The following IQSEC2 variants were observed in gnomAD, a reference collection of about 807,000 sequenced individuals.
The protein encoded by IQSEC2 is IQ motif and SEC7 domain-containing protein 2.
IQSEC2 carries 6 observed loss-of-function variants against 74.6 expected under a neutral mutation model. The observed-to-expected ratio is 0.08, with a 90% CI of 0.04 to 0.16. IQSEC2 has a LOEUF of 0.16. Ranked by LOEUF, IQSEC2 falls within the 10% of genes least tolerant of loss-of-function variation. The pLI is 1.00. For synonymous variants in IQSEC2, 494 were observed against 544.5 expected, an observed-to-expected ratio of 0.91 and a Z score of 1.29; for missense variants, 734 against 1,306.2, an observed-to-expected ratio of 0.56 and a Z score of 6.75.
rs2074242567 is a variant in IQSEC2, at chrX:53,242,675, AGCAAAT to A, written c.2889+651_2889+656del. Among the ~76,000 whole-genome samples the A allele has an allele frequency of 2.7e-5, 3 of 111,857 alleles. No homozygotes were observed. In the South Asian group the frequency reaches 1.1e-3, roughly 41 times the overall value. On this transcript the variant is annotated intron_variant, in intron 9 of 14. Transcript: ENST00000642864. ...ATGCCCAGCACCAACTCTGGTGCCC[AGCAAAT>A]GCTGGGCTCAGTGGAAAGGCATCCA... is the stretch of plus-strand genomic sequence containing the variant.
intron 2 of IQSEC2, among the ~76,000 whole-genome samples, chrX:53,273,001 T>G (rs1176605677): frequency 1.4e-4 from 16 of 111,448 alleles, no homozygotes; most frequent in African/African-American, 4.9e-4. Flanking sequence ...AAGAGGTAAG[T>G]TGGCATTAGC....
At chrX:53,310,667 C>A (rs2075312747) in intron 1 of IQSEC2, among the ~76,000 whole-genome samples, 1 of 110,638 alleles carries the variant, frequency 9.0e-6, no homozygotes, top group Admixed American at 9.7e-5. Context: ...ACAGGTCCAC[C>A]CTCTTCCATG....
At chrX:53,308,578 A>C (rs1168682083) in intron 1 of IQSEC2, among the ~76,000 whole-genome samples, 2 of 111,527 alleles carry the variant, frequency 1.8e-5, no homozygotes, top group Non-Finnish European at 3.8e-5. Context: ...TAGAATGCAA[A>C]TGTAATCTAC....
intron 2 of IQSEC2, among the ~76,000 whole-genome samples, chrX:53,289,788 A>C (rs1238250415): frequency 9.0e-6 from 1 of 111,383 alleles, no homozygotes; most frequent in African/African-American, 3.3e-5. Flanking sequence ...CTCTGGGCCC[A>C]GGATGGATGT....
Position 53,250,617 on chromosome X carries a change from G to A in IQSEC2, c.1959C>T (p.Gly653=), listed in dbSNP as rs1208632548. 1 of 1,207,078 alleles carries A rather than the reference G, an allele frequency of 8.3e-7. No homozygotes were observed. Among genetic ancestry groups the A allele is most frequent in the Non-Finnish European group, 1.1e-6 (1 of 893,333 alleles). ...IPHRHYPAPE[G]PAPAPPGPLP... The stretch of plus-strand genomic sequence containing the variant: ...GGGGCCCTGGTGGGGCTGGGGCTGG[G>A]CCTTCAGGGGCTGGGTAGTGGCGGT... Residue 653 remains glycine, a synonymous_variant, in exon 5 of 15, where the codon GGC becomes GGT. Transcript: ENST00000642864.
chrX:53,243,233 T>A (rs782479545), intron 9 of IQSEC2, 99 bp downstream of exon 9: 1 of 717,368 alleles, frequency 1.4e-6, no homozygotes, highest in African/African-American at 2.1e-5. Flanking sequence ...GTATTGCAGG[T>A]AAAGGGCACC....
At chrX:53,281,444 C>A in intron 2 of IQSEC2, 1 of 737,381 alleles carries the variant, frequency 1.4e-6, no homozygotes, top group Non-Finnish European at 2.0e-6. Flanking sequence ...GGGACTGGGT[C>A]CAGGCCTGGG....
At chrX:53,282,340 C>T (rs2074978634) in intron 2 of IQSEC2, among the ~76,000 whole-genome samples, 1 of 113,101 alleles carries the variant, frequency 8.8e-6, no homozygotes. Flanking sequence ...TCAGAGTAGA[C>T]TCCAGGTGCC....
downstream of IQSEC2, chrX:53,229,455 C>T (rs1030612297): frequency 1.8e-5 from 2 of 112,002 alleles, no homozygotes; most frequent in African/African-American, 6.5e-5. Context: ...AGTCCCAACA[C>T]TTTGGGAGGC....
intron 1 of IQSEC2, among the ~76,000 whole-genome samples, chrX:53,302,766 C>T (rs1452211504): frequency 2.7e-5 from 3 of 110,835 alleles, no homozygotes; most frequent in East Asian, 2.9e-4. Context: ...AGGGAGATCC[C>T]GTCTCTACAA....
chrX:53,240,212 G>A lies in IQSEC2; in HGVS notation c.3016-918C>T, dbSNP rs935417265. 7.1e-5 allele frequency among the ~76,000 whole-genome samples: 8 copies of A among 112,012 alleles called. No individual in the cohort carries two copies. The South Asian group carries it at 3.0e-3, about 41-fold the overall frequency. ...CTCAGAGGGAGCATGGAAATACTTCGGCTAAAGCAGCAATGCTCAACTGGG... is the reference window on the plus strand; with the variant it reads ...CTCAGAGGGAGCATGGAAATACTTCAGCTAAAGCAGCAATGCTCAACTGGG... On this transcript the variant is annotated intron_variant, in intron 10 of 14. Coordinates refer to ENST00000642864, the MANE Select transcript of IQSEC2 (RefSeq NM_001111125.3).
At chrX:53,317,438 A>G (rs2075388923) in intron 1 of IQSEC2, among the ~76,000 whole-genome samples, 1 of 111,766 alleles carries the variant, frequency 8.9e-6, no homozygotes, top group African/African-American at 3.3e-5. Flanking sequence ...TGTCCAATGC[A>G]GTAGAGGGAA....
chrX:53,279,479 C>T lies in IQSEC2; in HGVS notation c.737+12416G>A. ...CCATTCCACAGGCACAGCAGGGGCTCAGGGAGGTGGGAGGGGCTGGCAATG... is the reference window on the plus strand; with the variant it reads ...CCATTCCACAGGCACAGCAGGGGCTTAGGGAGGTGGGAGGGGCTGGCAATG... On this transcript the variant is annotated intron_variant, in intron 2 of 14. Coordinates refer to ENST00000642864, the MANE Select transcript of IQSEC2 (RefSeq NM_001111125.3). The T allele has an allele frequency of 7.1e-6, 4 of 563,397 alleles. No individual in the cohort carries two copies. In the South Asian group the frequency reaches 8.5e-5, roughly 12 times the overall value. The allele number at this position is 563,397 out of a possible 1,213,427, so 46.4% of individuals were successfully genotyped here.
intron 14 of IQSEC2, among the ~76,000 whole-genome samples, chrX:53,235,498 G>T (rs2074112993): frequency 9.0e-6 from 1 of 111,372 alleles, no homozygotes; most frequent in Admixed American, 9.5e-5. Flanking sequence ...CAAAGAGCAG[G>T]ACTTGGAGGT....
chrX:53,262,843 G>A (rs1266595417), intron 2 of IQSEC2, among the ~76,000 whole-genome samples: 1 of 112,760 alleles, frequency 8.9e-6, no homozygotes, highest in Admixed American at 9.3e-5. Flanking sequence ...AAAAATAATA[G>A]TTGTCATTTA....
chrX:53,272,852 A>G (rs1487120013), intron 2 of IQSEC2, among the ~76,000 whole-genome samples: 5 of 111,647 alleles, frequency 4.5e-5, no homozygotes, highest in African/African-American at 1.6e-4. Flanking sequence ...TCTAATACAC[A>G]CAGCTTTGAG....
Position 53,233,818 on chromosome X carries a change from C to T in IQSEC2, c.*401G>A, listed in dbSNP as rs782466484. ...AGGAGCCCCAGGGAAGCCTTCACCC[C>T]GACAGCTCCGGACACCTGCCCTTCT... On this transcript the variant is annotated 3_prime_UTR_variant, in exon 15 of 15. Coordinates refer to ENST00000642864, the MANE Select transcript of IQSEC2 (RefSeq NM_001111125.3). The T allele has an allele frequency of 3.3e-3, 968 of 296,510 alleles. 5 individuals carry two copies. The highest frequency in any genetic ancestry group is 3.3e-3 in the Non-Finnish European group (569 of 170,303). 24.4% of individuals were successfully genotyped at this position (296,510 alleles called of 1,213,427 possible). A position where few individuals can be genotyped will look rare whatever the true frequency, so the allele number is the denominator to read the frequency against.
chrX:53,266,673 G>A (rs1251134647), intron 2 of IQSEC2: 8 of 876,131 alleles, frequency 9.1e-6, no homozygotes, highest in Non-Finnish European at 1.1e-5. Context: ...GTGCGGGTAC[G>A]GGAGGATCCA....
Position 53,321,236 on chromosome X carries a change from C to G in IQSEC2, c.-113G>C. The stretch of plus-strand genomic sequence containing the variant: ...AGGGGGCCGGCGGGACGCGAGGGCG[C>G]GCACCGGGCTTGAGGGCCCGGGGGC... On this transcript the variant is annotated 5_prime_UTR_variant, in exon 1 of 15. Coordinates refer to ENST00000642864, the MANE Select transcript of IQSEC2 (RefSeq NM_001111125.3). 1 of 436,792 alleles carries G rather than the reference C, an allele frequency of 2.3e-6. No homozygotes were observed. The highest frequency in any genetic ancestry group is 3.7e-6 in the Non-Finnish European group (1 of 270,431). 36.0% of individuals were successfully genotyped at this position (436,792 alleles called of 1,213,427 possible).
Sources: allele counts gnomAD v4.1 joint callset (sites outside exome capture counted in the v4.1 genomes callset), GRCh38; gene constraint gnomAD v4.1.1; transcripts MANE v1.5; gene names NCBI Gene and HGNC (gene_info 2026-07-23, HGNC 2026-07-21).